DNASE1L2: variants seen among roughly 807,000 people sequenced by gnomAD.
DNASE1L2 encodes the protein deoxyribonuclease-1-like 2.
A neutral mutation model predicts 31.8 loss-of-function variants in DNASE1L2; 35 were observed. The ratio of observed to expected loss-of-function variants is 1.10; its 90% confidence interval spans 0.84 to 1.46. The LOEUF (loss-of-function observed/expected upper bound fraction) is 1.46. Among genes scored for constraint, DNASE1L2 ranks in the 40% most tolerant of loss-of-function variants. DNASE1L2 has a pLI of 0.00. For synonymous variants in DNASE1L2, 211 were observed against 186.5 expected (o/e 1.13, Z -1.07); for missense variants, 504 against 418.8 (o/e 1.20, Z -1.77).
Position 2,237,632 on chromosome 16 carries a change from G to A in DNASE1L2, c.574G>A (p.Asp192Asn). The change falls in exon 5 of 7, where the codon GAC (aspartate) becomes AAC (asparagine). Residue 192 changes from aspartate (D) to asparagine (N), a missense_variant. Physicochemically the swap from Asp to Asn is conservative, Grantham distance 23 (BLOSUM62 1). Transcript: ENST00000320700. ...ALYDVYLDVI[D>N]KWGTDDMLFL... ...CTACGACGTGTACCTGGACGTGATC[G>A]ACAAGTGGGGCACCGACGTAAGCCC... The A allele has an allele frequency of 6.2e-7, 1 of 1,605,540 alleles. No homozygotes were observed. Among genetic ancestry groups the A allele is most frequent in the Non-Finnish European group, 8.5e-7 (1 of 1,174,852 alleles).
chr16:2,238,537 C>A lies in DNASE1L2; in HGVS notation c.*119C>A. The stretch of plus-strand genomic sequence containing the variant: ...AGGCCCCAAGGCAGAGTCGGCTGGG[C>A]GTGGACCAGGGGCCATGGACACGTG... On this transcript the variant is annotated 3_prime_UTR_variant, in exon 7 of 7. Coordinates refer to ENST00000320700, the MANE Select transcript of DNASE1L2 (RefSeq NM_001374.3). 7.9e-7 allele frequency: 1 copy of A among 1,259,386 alleles called. No individual in the cohort carries two copies. Among genetic ancestry groups the A allele is most frequent in the Non-Finnish European group, 1.1e-6 (1 of 874,444 alleles). 78.0% of individuals were successfully genotyped at this position (1,259,386 alleles called of 1,614,324 possible). A position where few individuals can be genotyped will look rare whatever the true frequency, so the allele number is the denominator to read the frequency against.
At position 2,237,852 on chromosome 16, in the gene DNASE1L2, AGG is replaced by A. The variant is rs767028586; in HGVS notation, c.678_679del (p.Glu226AspfsTer8). On this transcript the variant is annotated frameshift_variant, in exon 6 of 7. Coordinates refer to ENST00000320700, the MANE Select transcript of DNASE1L2 (RefSeq NM_001374.3). LOFTEE classifies it high-confidence loss of function. Reference sequence around the variant, plus strand: ...GCCGCCATCCGTCTGAGGAGCAGTGAGGTCTTCAAGTGGCTCATCCCTGACAG... The same window carrying A: ...GCCGCCATCCGTCTGAGGAGCAGTGATCTTCAAGTGGCTCATCCCTGACAG... The A allele has an allele frequency of 2.5e-6, 4 of 1,612,702 alleles. No individual in the cohort carries two copies. In the South Asian group the frequency reaches 3.3e-5, roughly 13 times the overall value.
In DNASE1L2 at chr16:2,236,898, A is replaced by G. The variant is rs369778646; in HGVS notation, c.82A>G (p.Asn28Asp). Residue 28 changes from asparagine (N) to aspartate (D), a missense_variant, in exon 2 of 7, where the codon AAC (asparagine) becomes GAC (aspartate). Transcript: ENST00000320700. ...CGCCGCGCTTCGCATCGGAGCCTTC[A>G]ACATTCAGAGCTTCGGTGACAGCAA... Reference protein sequence around the residue: ...GTAALRIGAFNIQSFGDSKVS... With the variant: ...GTAALRIGAFDIQSFGDSKVS... 14 of 1,594,980 alleles carry G rather than the reference A, an allele frequency of 8.8e-6. No homozygotes were observed. Among genetic ancestry groups the G allele is most frequent in the African/African-American group, 1.3e-5 (1 of 74,818 alleles).
rs1008917237 is a variant in DNASE1L2, at chr16:2,237,099, T to C, written c.206T>C (p.Val69Ala). The change falls in exon 3 of 7, where the codon GTG becomes GCG. Residue 69 changes from valine (V) to alanine (A), a missense_variant. Transcript: ENST00000320700. Reference protein sequence around the residue: ...QEVRDPDLSAVSALMEQINSV... With the variant: ...QEVRDPDLSAASALMEQINSV... Reference sequence around the variant, plus strand: ...GTGCGAGACCCAGACCTCAGCGCCGTGTCCGCGCTCATGGAGCAGATCAAC... The same window carrying C: ...GTGCGAGACCCAGACCTCAGCGCCGCGTCCGCGCTCATGGAGCAGATCAAC... 1 of 1,549,902 alleles carries C rather than the reference T, an allele frequency of 6.5e-7. No homozygotes were observed.
At chr16:2,236,716 C>A in intron 1 of DNASE1L2, 62 bp from the exon 2 acceptor site, 2 of 1,437,560 alleles carry the variant, frequency 1.4e-6, no homozygotes, top group Non-Finnish European at 1.8e-6. Context: ...TCGCACTGGC[C>A]GTCAAGGGGC....
chr16:2,237,412 C>T lies in DNASE1L2; in HGVS notation c.354C>T (p.Tyr118=), dbSNP rs1163531637. The change falls in exon 5 of 7, where the codon TAC becomes TAT. Residue 118 remains tyrosine, a synonymous_variant. Coordinates refer to ENST00000320700, the MANE Select transcript of DNASE1L2 (RefSeq NM_001374.3). Reference sequence around the variant, plus strand: ...TGTCGGTCGTGGACACCTACCTGTACCCAGACCCCGAGGACGTCTTCAGCC... The same window carrying T: ...TGTCGGTCGTGGACACCTACCTGTATCCAGACCCCGAGGACGTCTTCAGCC... The part of the protein sequence containing the change: ...DAVSVVDTYL[Y]PDPEDVFSRE... 2 of 1,600,684 alleles carry T rather than the reference C, an allele frequency of 1.2e-6. No individual in the cohort carries two copies. The highest frequency in any genetic ancestry group is 1.7e-5 in the Admixed American group (1 of 59,122).
At position 2,237,599 on chromosome 16, in the gene DNASE1L2, G is replaced by A; in HGVS notation, c.541G>A (p.Asp181Asn). The A allele has an allele frequency of 6.2e-7, 1 of 1,611,422 alleles. No homozygotes were observed. The highest frequency in any genetic ancestry group is 1.3e-5 in the African/African-American group (1 of 74,856). The change falls in exon 5 of 7, where the codon GAC becomes AAC. Residue 181 changes from aspartate to asparagine, a missense_variant. Physicochemically the swap from Asp to Asn is conservative, Grantham distance 23. Transcript: ENST00000320700. ...GCCGCATCAAGCCGTGGCGGAGATC[G>A]ACGCGCTCTACGACGTGTACCTGGA... ...AAPHQAVAEI[D>N]ALYDVYLDVI...
intron 1 of DNASE1L2, 62 bp downstream of exon 1, chr16:2,236,622 G>C: frequency 7.4e-7 from 1 of 1,351,180 alleles, no homozygotes; most frequent in South Asian, 2.0e-5. Flanking sequence ...TCCGGCTGCA[G>C]CTTCCCGCGC....
chr16:2,238,226 G>T, intron 6 of DNASE1L2, 136 bp from the exon 7 acceptor site: 1 of 1,438,324 alleles, frequency 7.0e-7, no homozygotes, highest in Non-Finnish European at 9.5e-7. Flanking sequence ...AGGGCCAGTG[G>T]TGACACCCTC....
chr16:2,236,471 A>G lies in DNASE1L2; in HGVS notation c.-129A>G. The stretch of plus-strand genomic sequence containing the variant: ...AGCTACTGCCAGAGGGAGTCAGTGC[A>G]GTCCTGTGTCGGACACGCCCGCAGC... On this transcript the variant is annotated 5_prime_UTR_variant, in exon 1 of 7. Coordinates refer to ENST00000320700, the MANE Select transcript of DNASE1L2 (RefSeq NM_001374.3). 9.0e-7 allele frequency: 1 copy of G among 1,111,446 alleles called. No individual in the cohort carries two copies. The highest frequency in any genetic ancestry group is 1.1e-6 in the Non-Finnish European group (1 of 911,332). 68.8% of individuals were successfully genotyped at this position (1,111,446 alleles called of 1,614,324 possible).
chr16:2,238,010 CAG>C lies in DNASE1L2; in HGVS notation c.837_838del (p.Gln279HisfsTer110), dbSNP rs753645173. The C allele has an allele frequency of 1.3e-5, 21 of 1,597,520 alleles. No individual in the cohort carries two copies. The highest frequency in any genetic ancestry group is 1.7e-5 in the Non-Finnish European group (20 of 1,173,524). On this transcript the variant is annotated frameshift_variant, in exon 6 of 7. Transcript: ENST00000320700. LOFTEE classifies it high-confidence loss of function. ...HDFQEEFGLD[Q>X]TQALAISDHF... ...CTTCCAGGAGGAATTCGGCCTGGACCAGACTCAGGCGAGTGGGCCGTGGGGCG... is the reference window on the plus strand; with the variant it reads ...CTTCCAGGAGGAATTCGGCCTGGACCACTCAGGCGAGTGGGCCGTGGGGCG...
Position 2,237,581 on chromosome 16 carries a change from C to G in DNASE1L2, c.523C>G (p.Gln175Glu), listed in dbSNP as rs774835595. ...GATCCCGCTGCACGCGGCGCCGCATCAAGCCGTGGCGGAGATCGACGCGCT... is the reference window on the plus strand; with the variant it reads ...GATCCCGCTGCACGCGGCGCCGCATGAAGCCGTGGCGGAGATCGACGCGCT... Reference protein sequence around the residue: ...VLIPLHAAPHQAVAEIDALYD... With the variant: ...VLIPLHAAPHEAVAEIDALYD... The change falls in exon 5 of 7, where the codon CAA becomes GAA. Residue 175 changes from glutamine to glutamate, a missense_variant. By Grantham distance (29) the Gln-to-Glu change is conservative. Coordinates refer to ENST00000320700, the MANE Select transcript of DNASE1L2 (RefSeq NM_001374.3). The G allele has an allele frequency of 3.2e-5, 51 of 1,610,582 alleles. No individual in the cohort carries two copies. Among genetic ancestry groups the G allele is most frequent in the Non-Finnish European group, 4.0e-5 (47 of 1,179,082 alleles).
At position 2,238,380 on chromosome 16, in the gene DNASE1L2, C is replaced by T. The variant is rs1256181462; in HGVS notation, c.862C>T (p.His288Tyr). Residue 288 changes from histidine (H) to tyrosine (Y), a missense_variant, in exon 7 of 7, where the codon CAC (histidine) becomes TAC (tyrosine). Coordinates refer to ENST00000320700, the MANE Select transcript of DNASE1L2 (RefSeq NM_001374.3). ...CCCACAGGCTCTTGCCATCAGCGAC[C>T]ACTTTCCAGTGGAGGTGACCCTCAA... ...DQTQALAISD[H>Y]FPVEVTLKFH... 37 of 1,613,524 alleles carry T rather than the reference C, an allele frequency of 2.3e-5. No individual in the cohort carries two copies. Among genetic ancestry groups the T allele is most frequent in the Non-Finnish European group, 3.1e-5 (37 of 1,180,010 alleles).
At position 2,238,534 on chromosome 16, in the gene DNASE1L2, G is replaced by C. The variant is rs2093519898; in HGVS notation, c.*116G>C. 7.7e-7 allele frequency: 1 copy of C among 1,295,434 alleles called. No homozygotes were observed. The highest frequency in any genetic ancestry group is 1.5e-5 in the African/African-American group (1 of 68,118). 80.2% of individuals were successfully genotyped at this position (1,295,434 alleles called of 1,614,324 possible). A position where few individuals can be genotyped will look rare whatever the true frequency, so the allele number is the denominator to read the frequency against. The stretch of plus-strand genomic sequence containing the variant: ...GTGAGGCCCCAAGGCAGAGTCGGCT[G>C]GGCGTGGACCAGGGGCCATGGACAC... On this transcript the variant is annotated 3_prime_UTR_variant, in exon 7 of 7. Transcript: ENST00000320700.
intron 6 of DNASE1L2, 119 bp from the exon 7 acceptor site, chr16:2,238,237 TGCCCCG>T (rs2093518914): frequency 1.5e-5 from 22 of 1,463,850 alleles, no homozygotes; most frequent in South Asian, 1.3e-4. Flanking sequence ...TGACACCCTC[TGCCCCG>T]GCCCCTGCCC....
intron 4 of DNASE1L2, 21 bp from the exon 5 acceptor site, chr16:2,237,355 C>T: frequency 6.3e-7 from 1 of 1,598,796 alleles, no homozygotes; most frequent in Non-Finnish European, 8.5e-7. Flanking sequence ...GGGGGCTCAG[C>T]GGGTCCTCCC....
Position 2,236,980 on chromosome 16 carries a change from G to T in DNASE1L2, c.144+20G>T, listed in dbSNP as rs776432899. Reference sequence around the variant, plus strand: ...GCGAAGGTGGGGCCCGGGCCGGGGCGGGGCGGCGTTTAGGGGTGCTGACCG... The same window carrying T: ...GCGAAGGTGGGGCCCGGGCCGGGGCTGGGCGGCGTTTAGGGGTGCTGACCG... On this transcript the variant is annotated intron_variant, in intron 2 of 6. Transcript: ENST00000320700. 38 of 1,548,290 alleles carry T rather than the reference G, an allele frequency of 2.5e-5. No homozygotes were observed. Among genetic ancestry groups the T allele is most frequent in the Non-Finnish European group, 3.1e-5 (36 of 1,146,826 alleles).
Position 2,236,849 on chromosome 16 carries a change from C to G in DNASE1L2, c.33C>G (p.Leu11=). The G allele has an allele frequency of 1.3e-6, 2 of 1,599,366 alleles. No individual in the cohort carries two copies. Among genetic ancestry groups the G allele is most frequent in the Non-Finnish European group, 1.7e-6 (2 of 1,174,580 alleles). MGGPRALLAA[L]WALEAAGTAA... ...GGCCCCGGGCTCTGCTGGCCGCACT[C>G]TGGGCGCTGGAAGCCGCCGGGACCG... Residue 11 remains leucine, a synonymous_variant, in exon 2 of 7, where the codon CTC becomes CTG. Coordinates refer to ENST00000320700, the MANE Select transcript of DNASE1L2 (RefSeq NM_001374.3).
Position 2,237,049 on chromosome 16 carries a change from C to T in DNASE1L2, c.156C>T (p.Gly52=). The change falls in exon 3 of 7, where the codon GGC becomes GGT. Residue 52 remains glycine, a synonymous_variant. Transcript: ENST00000320700. The part of the protein sequence containing the change: ...CGSIIAKILA[G]YDLALVQEVR... ...CCGCTCCTCCCCAGATCCTGGCTGG[C>T]TATGACCTCGCGCTGGTGCAGGAGG... The T allele has an allele frequency of 6.5e-7, 1 of 1,549,444 alleles. No homozygotes were observed. Among genetic ancestry groups the T allele is most frequent in the Non-Finnish European group, 8.7e-7 (1 of 1,146,946 alleles).
Sources: gnomAD v4.1 joint callset for allele counts on GRCh38, gnomAD v4.1.1 for gene constraint, MANE v1.5 for transcripts, NCBI Gene and HGNC (gene_info 2026-07-23, HGNC 2026-07-21) for gene names.